Variants in CCDC187 observed in about 807,000 individuals in gnomAD.
The protein encoded by CCDC187 is coiled-coil domain-containing protein 187.
A neutral mutation model predicts 38.0 loss-of-function variants in CCDC187; 32 were observed. The ratio of observed to expected loss-of-function variants is 0.84; its 90% confidence interval spans 0.64 to 1.13. CCDC187 has a LOEUF of 1.13. CCDC187 is among the 50% of genes most tolerant of loss of function. The pLI, the probability that CCDC187 is intolerant of heterozygous loss-of-function variation, is 0.00. For synonymous variants in CCDC187, 333 were observed against 347.9 expected (o/e 0.96, Z 0.48); for missense variants, 707 against 786.8 (o/e 0.90, Z 1.21).
rs552334908 is a variant in CCDC187, at chr9:136,257,218, C to G, written c.4367-377G>C. 6.6e-6 allele frequency among the ~76,000 whole-genome samples: 1 copy of G among 152,208 alleles called. No individual in the cohort carries two copies. The highest frequency in any genetic ancestry group is 1.9e-4 in the East Asian group (1 of 5,178). ...TGAAACCCCGTCTCTACTAAAAATACAAAAATTAGGCGGGCATGGTGGCGG... is the reference window on the plus strand; with the variant it reads ...TGAAACCCCGTCTCTACTAAAAATAGAAAAATTAGGCGGGCATGGTGGCGG... On this transcript the variant is annotated intron_variant, in intron 22 of 25. Coordinates refer to ENST00000638797, the MANE Select transcript of CCDC187 (RefSeq NM_001378188.1). The surrounding 1 kb of genome is among the most constrained non-coding windows in gnomAD (Gnocchi z 4.5).
chr9:136,290,976 G>C lies in CCDC187; in HGVS notation c.1637C>G (p.Thr546Ser), dbSNP rs1831312003. The C allele has an allele frequency of 2.5e-6, 1 of 398,612 alleles. No homozygotes were observed. Among genetic ancestry groups the C allele is most frequent in the Admixed American group, 4.4e-5 (1 of 22,726 alleles). 24.7% of individuals were successfully genotyped at this position (398,612 alleles called of 1,614,324 possible). A position where few individuals can be genotyped will look rare whatever the true frequency, so the allele number is the denominator to read the frequency against. The change falls in exon 6 of 26, where the codon ACT becomes AGT. Residue 546 changes from threonine to serine, a missense_variant. Transcript: ENST00000638797. ...AGGGTCCTCCCAGGTTTCACAGGCA[G>C]TCCAGGCCCTCCGTGGACAGGGCTG... ...ATQPCPRRAWTACETWEDPGP... is the reference protein window; with the variant it reads ...ATQPCPRRAWSACETWEDPGP...
In CCDC187 at chr9:136,258,745, G is replaced by A. The variant is rs1161207165; in HGVS notation, c.4366+187C>T. 1.0e-6 allele frequency: 1 copy of A among 985,364 alleles called. No homozygotes were observed. Among genetic ancestry groups the A allele is most frequent in the African/African-American group, 1.7e-5 (1 of 57,258 alleles). 61.0% of individuals were successfully genotyped at this position (985,364 alleles called of 1,614,324 possible). A position where few individuals can be genotyped will look rare whatever the true frequency, so the allele number is the denominator to read the frequency against. ...AGAGCCGCTGCGTCACCTCCGGTAG[G>A]AGATGGAGCCGGCCACTCTTCTTGC... On this transcript the variant is annotated intron_variant, in intron 22 of 25. Transcript: ENST00000638797. This position sits in a 1 kb window ranked among gnomAD's most constrained non-coding sequence, Gnocchi z 4.3.
chr9:136,273,728 A>G (rs900847770), intron 14 of CCDC187, among the ~76,000 whole-genome samples: 3 of 152,254 alleles, frequency 2.0e-5, no homozygotes, highest in Non-Finnish European at 2.9e-5. Context: ...AGGAGCACCC[A>G]CTGACGTAGA....
At chr9:136,278,882 GC>G (rs1398503636) in intron 10 of CCDC187, among the ~76,000 whole-genome samples, 1 of 152,270 alleles carries the variant, frequency 6.6e-6, no homozygotes, top group African/African-American at 2.4e-5. Context: ...GTGGCTGGTG[GC>G]TACCATATTG....
At position 136,286,489 on chromosome 9, in the gene CCDC187, C is replaced by T. The variant is rs897641585; in HGVS notation, c.2429G>A (p.Gly810Asp). Residue 810 changes from glycine to aspartate, a missense_variant, in exon 8 of 26, where the codon GGC becomes GAC. By Grantham distance (94) the Gly-to-Asp change is moderately conservative. Coordinates refer to ENST00000638797, the MANE Select transcript of CCDC187 (RefSeq NM_001378188.1). The part of the protein sequence containing the change: ...YLDPKEAEHL[G>D]TSSSLHLRHK... ...CCGGAGGTGCAGGGAGCTGGAAGTG[C>T]CCAGGTGCTCAGCCTCCTTTGGGTC... The T allele has an allele frequency of 9.3e-5, 37 of 398,766 alleles. No individual in the cohort carries two copies. In the South Asian group the frequency reaches 2.7e-3, roughly 29 times the overall value. The allele number at this position is 398,766 out of a possible 1,614,324, so 24.7% of individuals were successfully genotyped here. A position where few individuals can be genotyped will look rare whatever the true frequency, so the allele number is the denominator to read the frequency against.
rs1830527060 is a variant in CCDC187 at position 136,250,863 on chromosome 9, C to T, written c.*2731G>A. 1.3e-5 allele frequency: 6 copies of T among 455,058 alleles called. No homozygotes were observed. The highest frequency in any genetic ancestry group is 9.3e-5 in the South Asian group (6 of 64,474). 28.2% of individuals were successfully genotyped at this position (455,058 alleles called of 1,614,324 possible). ...CAGGCTGGGTCCAGCTGCTCCCGGG[C>T]GAGGGGTGTCTGGAGAGGGGCTCTT... is the stretch of plus-strand genomic sequence containing the variant. On this transcript the variant is annotated 3_prime_UTR_variant, in exon 26 of 26. Transcript: ENST00000638797.
chr9:136,301,246 A>C (rs1405088757), intron 2 of CCDC187, among the ~76,000 whole-genome samples: 3 of 152,180 alleles, frequency 2.0e-5, no homozygotes, highest in African/African-American at 7.2e-5. Flanking sequence ...AATGATTTTT[A>C]TTCCATTTTA....
At chr9:136,265,391 C>G (rs1428479860) in intron 17 of CCDC187, among the ~76,000 whole-genome samples, 2 of 152,200 alleles carry the variant, frequency 1.3e-5, no homozygotes, top group East Asian at 3.9e-4. Flanking sequence ...CCAGGCGCGG[C>G]TAGGGATTCA....
chr9:136,282,056 C>T (rs936378173), intron 9 of CCDC187, among the ~76,000 whole-genome samples: 1 of 152,176 alleles, frequency 6.6e-6, no homozygotes, highest in South Asian at 2.1e-4. Flanking sequence ...CCGTGGCCAC[C>T]GTTGGTCCCC....
Position 136,267,848 on chromosome 9 carries a change from C to A in CCDC187, c.3519+201G>T, listed in dbSNP as rs926648649. On this transcript the variant is annotated intron_variant, in intron 15 of 25. Coordinates refer to ENST00000638797, the MANE Select transcript of CCDC187 (RefSeq NM_001378188.1). ...AGCACCATGTTGAAATGCCTGCCCC[C>A]CTCTGTCACCCAGGGCGGGAGGAAC... The A allele has an allele frequency of 5.1e-6, 5 of 985,070 alleles. No individual in the cohort carries two copies. In the African/African-American group the frequency reaches 7.0e-5, roughly 14 times the overall value. 61.0% of individuals were successfully genotyped at this position (985,070 alleles called of 1,614,324 possible). A position where few individuals can be genotyped will look rare whatever the true frequency, so the allele number is the denominator to read the frequency against.
intron 4 of CCDC187, among the ~76,000 whole-genome samples, chr9:136,297,073 T>G (rs1318335683): frequency 6.6e-6 from 1 of 152,080 alleles, no homozygotes; most frequent in African/African-American, 2.4e-5. Flanking sequence ...CGGCCAAGCG[T>G]GCCCTGAGCT....
At chr9:136,282,270 A>G (rs1831063577) in intron 9 of CCDC187, among the ~76,000 whole-genome samples, 1 of 152,084 alleles carries the variant, frequency 6.6e-6, no homozygotes. Flanking sequence ...GGCAGGTACA[A>G]CTGGACCCAC....
rs997389338 is a variant in CCDC187 at position 136,255,725 on chromosome 9, G to A, written c.4625C>T (p.Ala1542Val). ...GATGCCGGGGACCTCCTGCTGACAG[G>A]CCTCCGTCCTGCAAGCACATTCGTG... ...SWRSGEQRTE[A>V]CQQEVPGISS... Residue 1542 changes from alanine (A) to valine (V), a missense_variant, in exon 25 of 26, where the codon GCC becomes GTC. Transcript: ENST00000638797. 1 of 985,442 alleles carries A rather than the reference G, an allele frequency of 1.0e-6. No homozygotes were observed. Among genetic ancestry groups the A allele is most frequent in the Non-Finnish European group, 1.2e-6 (1 of 829,924 alleles). The allele number at this position is 985,442 out of a possible 1,614,324, so 61.0% of individuals were successfully genotyped here. A position where few individuals can be genotyped will look rare whatever the true frequency, so the allele number is the denominator to read the frequency against.
At chr9:136,293,727 C>T (rs1323844482) in intron 4 of CCDC187, among the ~76,000 whole-genome samples, 2 of 152,114 alleles carry the variant, frequency 1.3e-5, no homozygotes, top group Non-Finnish European at 2.9e-5. Context: ...CATGCTCACT[C>T]ATGCATTCAC....
rs908980397 is a variant in CCDC187 at position 136,269,508 on chromosome 9, C to T, written c.3443-1383G>A. Among the ~76,000 whole-genome samples the T allele has an allele frequency of 3.9e-5, 6 of 151,990 alleles. No homozygotes were observed. In the East Asian group the frequency reaches 7.7e-4, roughly 20 times the overall value. ...ACTAAAATACAAAAAATTAGCTGGG[C>T]GTGGTGGTGGGCGCCTGTAGTCCCA... On this transcript the variant is annotated intron_variant, in intron 14 of 25. Transcript: ENST00000638797.
rs1334023162 is a variant in CCDC187, at chr9:136,285,453, A to T, written c.2927+60T>A. The T allele has an allele frequency of 3.3e-4, 13 of 38,838 alleles. No individual in the cohort carries two copies. The Middle Eastern group carries it at 0.018, about 53-fold the overall frequency. The allele number at this position is 38,838 out of a possible 1,614,324, so 2.4% of individuals were successfully genotyped here. A position where few individuals can be genotyped will look rare whatever the true frequency, so the allele number is the denominator to read the frequency against. On this transcript the variant is annotated intron_variant, in intron 9 of 25. Transcript: ENST00000638797. ...CAGGTGGGCAGGTGGGCAGGTGGGC[A>T]GGTGGGCAGGCGGGCAGGTGGGCAG...
At chr9:136,267,753 G>T in intron 15 of CCDC187, 14 of 893,024 alleles carry the variant, frequency 1.6e-5, no homozygotes, top group Non-Finnish European at 1.7e-5. Flanking sequence ...CTCACCACCA[G>T]CCCTGATCCA....
intron 14 of CCDC187, among the ~76,000 whole-genome samples, chr9:136,269,467 G>A (rs1830803594): frequency 6.6e-6 from 1 of 152,140 alleles, no homozygotes; most frequent in African/African-American, 2.4e-5. Context: ...GGCTAACATG[G>A]TGAAACCCCG....
chr9:136,280,434 C>T (rs1220375623), intron 10 of CCDC187, among the ~76,000 whole-genome samples: 4 of 152,198 alleles, frequency 2.6e-5, no homozygotes, highest in Admixed American at 2.6e-4. Context: ...AAGACGCAGA[C>T]CCTTCCTCCC....
Sources: allele counts gnomAD v4.1 joint callset (sites outside exome capture counted in the v4.1 genomes callset), GRCh38; gene constraint gnomAD v4.1.1; non-coding constraint Gnocchi (gnomAD v3.1); transcripts MANE v1.5; gene names NCBI Gene and HGNC (gene_info 2026-07-23, HGNC 2026-07-21).